POLE: variants seen among roughly 807,000 people sequenced by gnomAD.
POLE encodes the protein DNA polymerase epsilon, catalytic subunit.
A neutral mutation model predicts 279.2 loss-of-function variants in POLE; 188 were observed. The observed-to-expected ratio is 0.67, with a 90% CI of 0.60 to 0.76. The LOEUF (loss-of-function observed/expected upper bound fraction) is 0.76, where lower values mean the gene tolerates loss of function less well. Among genes scored for constraint, POLE ranks in the 30% least tolerant of loss-of-function variants. The pLI is 0.00. For missense variants in POLE, 2,703 were observed against 3,016.7 expected, an observed-to-expected ratio of 0.90 and a Z score of 2.44; for synonymous variants, 1,214 against 1,172.5, an observed-to-expected ratio of 1.04 and a Z score of -0.72.
Position 132,639,438 on chromosome 12 carries a change from G to C in POLE, c.5379-140C>G. The C allele has an allele frequency of 4.4e-6, 3 of 689,394 alleles. No individual in the cohort carries two copies. The allele number at this position is 689,394 out of a possible 1,614,324, so 42.7% of individuals were successfully genotyped here. Reference sequence around the variant, plus strand: ...GTCACTGTCGCCTCCCCTTCTCACTGTCCCCACCTTAAGTCACGGTCCAAA... The same window carrying C: ...GTCACTGTCGCCTCCCCTTCTCACTCTCCCCACCTTAAGTCACGGTCCAAA... On this transcript the variant is annotated intron_variant, in intron 39 of 48. Coordinates refer to ENST00000320574, the MANE Select transcript of POLE (RefSeq NM_006231.4). This position sits in a 1 kb window ranked among gnomAD's most constrained non-coding sequence, Gnocchi z 4.7.
intron 6 of POLE, among the ~76,000 whole-genome samples, chr12:132,678,193 A>G (rs1392050144): frequency 6.6e-6 from 1 of 151,506 alleles, no homozygotes; most frequent in Non-Finnish European, 1.5e-5. Flanking sequence ...AATAAAGAAT[A>G]GCTTGGATGA....
chr12:132,637,498 G>A (rs2042056951), intron 41 of POLE, among the ~76,000 whole-genome samples: 1 of 152,232 alleles, frequency 6.6e-6, no homozygotes, highest in Admixed American at 6.5e-5. Flanking sequence ...ATAGTGCTGA[G>A]TGTGTGAGAA....
chr12:132,663,753 T>C (rs2042728371), intron 23 of POLE, among the ~76,000 whole-genome samples: 1 of 152,246 alleles, frequency 6.6e-6, no homozygotes, highest in South Asian at 2.1e-4. Flanking sequence ...ACTATTTTTG[T>C]AATTTCCTGT....
At chr12:132,672,128 G>A (rs996026360) in intron 16 of POLE, 87 bp downstream of exon 16, 11 of 902,034 alleles carry the variant, frequency 1.2e-5, no homozygotes, top group Admixed American at 3.5e-5. Context: ...CACGCAGCAG[G>A]TGCACAATAA....
At chr12:132,665,277 C>G (rs1438782908) in intron 21 of POLE, 25 bp downstream of exon 21, 2 of 1,608,116 alleles carry the variant, frequency 1.2e-6, no homozygotes, top group East Asian at 4.5e-5. Flanking sequence ...TCCCATAAGC[C>G]TCTCCCGGGC....
chr12:132,630,373 T>C (rs12301428), intron 45 of POLE, among the ~76,000 whole-genome samples: 39 of 152,272 alleles, frequency 2.6e-4, no homozygotes, highest in African/African-American at 7.7e-4. Context: ...AGCATGCACA[T>C]TGTATAAAAA....
intron 1 of POLE, among the ~76,000 whole-genome samples, chr12:132,683,025 C>T (rs1210155346): frequency 6.6e-6 from 1 of 151,802 alleles, no homozygotes; most frequent in Non-Finnish European, 1.5e-5. Flanking sequence ...GAAGGTATTC[C>T]TTGGATCACC....
intron 32 of POLE, 88 bp from the exon 33 acceptor site, chr12:132,644,065 T>TA (rs1433442226): frequency 2.2e-6 from 3 of 1,342,098 alleles, no homozygotes; most frequent in African/African-American, 2.5e-5. Context: ...TTCGGAGTCC[T>TA]AGACTTCTGG....
At chr12:132,648,534 G>T in intron 32 of POLE, 1 of 167,628 alleles carries the variant, frequency 6.0e-6, no homozygotes, top group Non-Finnish European at 1.3e-5. Context: ...TGTCACTATT[G>T]ACTGGCAATA....
intron 48 of POLE, 47 bp downstream of exon 48, chr12:132,624,858 A>C (rs771404326): frequency 1.4e-5 from 16 of 1,156,816 alleles, no homozygotes; most frequent in Non-Finnish European, 1.9e-5. Flanking sequence ...CTCAGAGAGG[A>C]GGCCAAGGAG....
At chr12:132,657,028 G>A (rs1307852941) in intron 29 of POLE, 108 bp downstream of exon 29, 11 of 1,238,060 alleles carry the variant, frequency 8.9e-6, no homozygotes, top group African/African-American at 1.5e-5. Flanking sequence ...GTCCATTTTC[G>A]ATGCTTGAAC....
chr12:132,656,135 G>A (rs1358045294), intron 29 of POLE, among the ~76,000 whole-genome samples: 2 of 152,228 alleles, frequency 1.3e-5, no homozygotes, highest in South Asian at 4.1e-4. Flanking sequence ...GGTGGTGTGT[G>A]CCTATAATCC....
Position 132,659,429 on chromosome 12 carries a change from C to T in POLE, c.3141G>A (p.Gly1047=), listed in dbSNP as rs368560398. The T allele has an allele frequency of 8.1e-6, 13 of 1,614,094 alleles. No homozygotes were observed. Among genetic ancestry groups the T allele is most frequent in the Non-Finnish European group, 1.0e-5 (12 of 1,180,026 alleles). ...RSMSRKLEDY[G]EQKSTSISTA... The stretch of plus-strand genomic sequence containing the variant: ...TGCTGATGGACGTAGACTTCTGCTC[C>T]CCGTAATCTTCCAGCTTCCGAGACA... Residue 1047 remains glycine, a synonymous_variant, in exon 26 of 49, where the codon GGG becomes GGA. Coordinates refer to ENST00000320574, the MANE Select transcript of POLE (RefSeq NM_006231.4).
chr12:132,685,696 C>G (rs1189260299), intron 1 of POLE, among the ~76,000 whole-genome samples: 1 of 152,180 alleles, frequency 6.6e-6, no homozygotes, highest in East Asian at 1.9e-4. Flanking sequence ...TCTCTAAGCT[C>G]CAAGTTCCAA....
In POLE at chr12:132,649,055, C is replaced by T. The variant is rs2138599943; in HGVS notation, c.4023G>A (p.Gln1341=). ...GCGCCCACAGCCTGAACAGGCCGGC[C>T]TGGCTGGTCTCGCTGATCTGAAAGG... is the stretch of plus-strand genomic sequence containing the variant. The part of the protein sequence containing the change: ...WQIVQISETS[Q]AGLFRLWALV... Residue 1341 remains glutamine, a synonymous_variant, in exon 32 of 49, where the codon CAG becomes CAA. Transcript: ENST00000320574. 1.2e-6 allele frequency: 2 copies of T among 1,612,578 alleles called. No individual in the cohort carries two copies. The highest frequency in any genetic ancestry group is 2.2e-5 in the East Asian group (1 of 44,876).
At chr12:132,633,891 G>A (rs569314155) in intron 43 of POLE, 6 of 311,290 alleles carry the variant, frequency 1.9e-5, no homozygotes, top group South Asian at 1.1e-4. Context: ...ATCAGATGGC[G>A]GGAGCAGAGC....
Position 132,677,378 on chromosome 12 carries a change from G to A in POLE, c.786C>T (p.Asp262=), listed in dbSNP as rs201223598. 12 of 1,613,866 alleles carry A rather than the reference G, an allele frequency of 7.4e-6. No individual in the cohort carries two copies. In the East Asian group the frequency reaches 2.5e-4, roughly 33 times the overall value. The part of the protein sequence containing the change: ...AFPVEITRRD[D]LVERPDPVVL... ...CAAAACTTACAGGTCGTTCAACAAG[G>A]TCATCTCGGCGGGTGATTTCTACCG... is the stretch of plus-strand genomic sequence containing the variant. The change falls in exon 8 of 49, where the codon GAC becomes GAT. Residue 262 remains aspartate (D), a synonymous_variant. Transcript: ENST00000320574.
intron 6 of POLE, among the ~76,000 whole-genome samples, chr12:132,679,046 T>G (rs2043113333): frequency 6.6e-6 from 1 of 152,232 alleles, no homozygotes; most frequent in South Asian, 2.1e-4. Flanking sequence ...TCTTCCTAAC[T>G]GGTTACTTTG....
Position 132,639,423 on chromosome 12 carries a change from C to T in POLE, c.5379-125G>A. On this transcript the variant is annotated intron_variant, in intron 39 of 48. Transcript: ENST00000320574. The surrounding 1 kb of genome is among the most constrained non-coding windows in gnomAD (Gnocchi z 4.7). ...GCTGGGTCCAAATCCGTCACTGTCGCCTCCCCTTCTCACTGTCCCCACCTT... is the reference window on the plus strand; with the variant it reads ...GCTGGGTCCAAATCCGTCACTGTCGTCTCCCCTTCTCACTGTCCCCACCTT... The T allele has an allele frequency of 2.5e-6, 2 of 803,002 alleles. No homozygotes were observed. The highest frequency in any genetic ancestry group is 4.0e-6 in the Non-Finnish European group (2 of 502,836). 49.7% of individuals were successfully genotyped at this position (803,002 alleles called of 1,614,324 possible). A position where few individuals can be genotyped will look rare whatever the true frequency, so the allele number is the denominator to read the frequency against.
Sources: allele counts gnomAD v4.1 joint callset (sites outside exome capture counted in the v4.1 genomes callset), GRCh38; gene constraint gnomAD v4.1.1; non-coding constraint Gnocchi (gnomAD v3.1); transcripts MANE v1.5; gene names NCBI Gene and HGNC (gene_info 2026-07-23, HGNC 2026-07-21).